Variants in ZBTB20 observed in about 807,000 individuals in gnomAD.
ZBTB20 encodes zinc finger and BTB domain containing 20.
Under a neutral mutation model 56.9 loss-of-function variants are expected in ZBTB20, and 9 were observed. The observed-to-expected ratio is 0.16, with a 90% CI of 0.10 to 0.28. The LOEUF is 0.28. Ranked by LOEUF, ZBTB20 falls within the 10% of genes least tolerant of loss-of-function variation. The pLI is 1.00. For missense variants in ZBTB20, 655 were observed against 1,003.0 expected (o/e 0.65, Z 4.69); for synonymous variants, 417 against 420.7 (o/e 0.99, Z 0.11).
chr3:114,860,037 G>A (rs147863300), intron 4 of ZBTB20, among the ~76,000 whole-genome samples: 3,659 of 152,186 alleles, frequency 0.024, 53 homozygotes, highest in South Asian at 0.051. Context: ...AGCCGGGCGC[G>A]GTGGCTCACA....
At chr3:115,068,106 C>A (rs2082273565) in intron 2 of ZBTB20, among the ~76,000 whole-genome samples, 1 of 151,866 alleles carries the variant, frequency 6.6e-6, no homozygotes, top group African/African-American at 2.4e-5. Context: ...AGAAGGAAAT[C>A]CTCTTAAATC....
At chr3:115,048,706 C>A (rs1049851651) in intron 2 of ZBTB20, among the ~76,000 whole-genome samples, 1 of 152,136 alleles carries the variant, frequency 6.6e-6, no homozygotes, top group Non-Finnish European at 1.5e-5. Flanking sequence ...TTAGTCTTTT[C>A]TTACACAAAT....
chr3:114,608,678 G>A (rs2057342227), intron 6 of ZBTB20, among the ~76,000 whole-genome samples: 1 of 152,212 alleles, frequency 6.6e-6, no homozygotes, highest in Non-Finnish European at 1.5e-5. Context: ...AAATAGGGCT[G>A]TTAACTAGCC....
chr3:114,817,944 T>C (rs546102879), intron 4 of ZBTB20, among the ~76,000 whole-genome samples: 1 of 152,112 alleles, frequency 6.6e-6, no homozygotes, highest in South Asian at 2.1e-4. Context: ...CAAGTGAAAA[T>C]AAATCTATGT....
intron 1 of ZBTB20, among the ~76,000 whole-genome samples, chr3:115,097,303 C>T (rs57175858): frequency 5.8e-4 from 88 of 152,148 alleles, no homozygotes; most frequent in African/African-American, 2.0e-3. Flanking sequence ...CTCAGCCTCC[C>T]GAGTAGCTGG....
chr3:114,781,697 T>C (rs1333997990), intron 5 of ZBTB20, among the ~76,000 whole-genome samples: 3 of 152,200 alleles, frequency 2.0e-5, no homozygotes, highest in Non-Finnish European at 4.4e-5. Flanking sequence ...TCTTGAATTG[T>C]AGCTCCCATA....
Position 114,679,981 on chromosome 3 carries a change from T to G in ZBTB20, c.-295+13547A>C, listed in dbSNP as rs151333010. Among the ~76,000 whole-genome samples the G allele has an allele frequency of 7.4e-3, 1,132 of 152,282 alleles. 10 individuals are homozygous for G. Among genetic ancestry groups the G allele is most frequent in the Non-Finnish European group, 0.012 (834 of 68,008 alleles). On this transcript the variant is annotated intron_variant, in intron 6 of 11. Coordinates refer to ENST00000675478, the MANE Select transcript of ZBTB20 (RefSeq NM_001348800.3). Reference sequence around the variant, plus strand: ...TAAAAAAGGATGACATCATGTCCCTTGCAGGGACATGGATGAAGCTGGAAA... The same window carrying G: ...TAAAAAAGGATGACATCATGTCCCTGGCAGGGACATGGATGAAGCTGGAAA...
At chr3:114,396,542 C>T (rs1397626107) in intron 7 of ZBTB20, among the ~76,000 whole-genome samples, 1 of 152,118 alleles carries the variant, frequency 6.6e-6, no homozygotes, top group Non-Finnish European at 1.5e-5. Flanking sequence ...AACTGATACT[C>T]AGGAAAGGTA....
intron 1 of ZBTB20, among the ~76,000 whole-genome samples, chr3:115,098,017 A>G (rs1220427223): frequency 6.6e-6 from 1 of 152,238 alleles, no homozygotes; most frequent in Non-Finnish European, 1.5e-5. Flanking sequence ...AAAAATGGCT[A>G]CATTATTACT....
chr3:114,905,334 T>C (rs2075280768), intron 3 of ZBTB20, among the ~76,000 whole-genome samples: 1 of 151,942 alleles, frequency 6.6e-6, no homozygotes, highest in Non-Finnish European at 1.5e-5. Flanking sequence ...TGTGAAAATT[T>C]TACTGGCCTG....
chr3:114,704,722 G>A (rs987862286), intron 5 of ZBTB20, among the ~76,000 whole-genome samples: 2 of 152,038 alleles, frequency 1.3e-5, no homozygotes, highest in Non-Finnish European at 2.9e-5. Context: ...TCTCATTTTC[G>A]CAATGAGGAG....
At chr3:115,097,720 A>C (rs2083433016) in intron 1 of ZBTB20, among the ~76,000 whole-genome samples, 1 of 152,224 alleles carries the variant, frequency 6.6e-6, no homozygotes, top group South Asian at 2.1e-4. Flanking sequence ...TGCTGATAGG[A>C]AGAGCCCACT....
chr3:114,841,906 G>GA (rs2074400378), intron 4 of ZBTB20, among the ~76,000 whole-genome samples: 1 of 152,164 alleles, frequency 6.6e-6, no homozygotes, highest in Non-Finnish European at 1.5e-5. Flanking sequence ...GAGCCTAAGA[G>GA]AGAGTTCAGA....
chr3:114,473,070 A>G (rs2040326514), intron 7 of ZBTB20, among the ~76,000 whole-genome samples: 1 of 152,212 alleles, frequency 6.6e-6, no homozygotes, highest in African/African-American at 2.4e-5. Flanking sequence ...TGCCTCAACA[A>G]GAATAGCCAG....
At chr3:114,714,958 C>T (rs1255233406) in intron 5 of ZBTB20, among the ~76,000 whole-genome samples, 1 of 152,172 alleles carries the variant, frequency 6.6e-6, no homozygotes, top group African/African-American at 2.4e-5. Context: ...CATAGCCAGT[C>T]GGCCATTAAT....
chr3:114,578,320 A>G (rs1364170664), intron 6 of ZBTB20, among the ~76,000 whole-genome samples: 1 of 152,066 alleles, frequency 6.6e-6, no homozygotes, highest in Non-Finnish European at 1.5e-5. Flanking sequence ...TGAGATACTA[A>G]TCAGTAAGCT....
At chr3:114,873,627 C>G (rs563762516) in intron 4 of ZBTB20, among the ~76,000 whole-genome samples, 22 of 152,108 alleles carry the variant, frequency 1.4e-4, no homozygotes, top group African/African-American at 5.1e-4. Context: ...AGAAATAACA[C>G]AAAAGGTTCT....
intron 4 of ZBTB20, chr3:114,861,768 AATT>A (rs2075545077): frequency 2.6e-5 from 4 of 152,086 alleles, no homozygotes; most frequent in South Asian, 2.1e-4. Flanking sequence ...TTACTCTTGT[AATT>A]GGAGTGCATT....
chr3:114,663,595 A>G (rs1300394694), intron 6 of ZBTB20, among the ~76,000 whole-genome samples: 3 of 151,728 alleles, frequency 2.0e-5, no homozygotes, highest in Non-Finnish European at 3.0e-5. Flanking sequence ...CAGACTGGCA[A>G]GTTGGATAAA....
Sources: gnomAD v4.1 joint callset for allele counts (sites outside exome capture counted in the v4.1 genomes callset) on GRCh38, gnomAD v4.1.1 for gene constraint, MANE v1.5 for transcripts, NCBI Gene and HGNC (gene_info 2026-07-23, HGNC 2026-07-21) for gene names.